The following MZF1 variants were observed in gnomAD, a reference collection of about 807,000 sequenced individuals.
MZF1 encodes the protein myeloid zinc finger 1, also known as zinc finger and SCAN domain-containing protein 6.
A neutral mutation model predicts 28.6 loss-of-function variants in MZF1; 24 were observed. The ratio of observed to expected loss-of-function variants is 0.84; its 90% CI spans 0.61 to 1.18. The LOEUF (loss-of-function observed/expected upper bound fraction) is 1.18, where lower values mean the gene tolerates loss of function less well. Among genes scored for constraint, MZF1 ranks in the 50% most tolerant of loss-of-function variants. MZF1 has a pLI of 0.00. For synonymous variants in MZF1, 516 were observed against 432.5 expected (o/e 1.19, Z -2.40); for missense variants, 1,166 against 1,026.4 (o/e 1.14, Z -1.86).
rs144933302 is a variant in MZF1, at chr19:58,563,408, C to A, written c.869G>T (p.Gly290Val). The A allele has an allele frequency of 1.6e-3, 2,513 of 1,594,728 alleles. 42 individuals carry two copies. The highest frequency in any genetic ancestry group is 2.1e-4 in the Non-Finnish European group (244 of 1,170,704). Residue 290 changes from glycine (G) to valine (V), a missense_variant, in exon 6 of 6, where the codon GGC (glycine) becomes GTC (valine). Physicochemically the swap from Gly to Val is moderately radical, Grantham distance 109. Coordinates refer to ENST00000215057, the MANE Select transcript of MZF1 (RefSeq NM_198055.2). ...TTCGCGGGAGGGTGATTGGATCTGG[C>A]CAGAAAGGCCAGCCATGCCGAGGTC... ...PWDLGMAGLS[G>V]QIQSPSREGG...
At position 58,563,435 on chromosome 19, in the gene MZF1, C is replaced by A. The variant is rs768378644; in HGVS notation, c.842G>T (p.Trp281Leu). The change falls in exon 6 of 6, where the codon TGG becomes TTG. Residue 281 changes from tryptophan (W) to leucine (L), a missense_variant. Coordinates refer to ENST00000215057, the MANE Select transcript of MZF1 (RefSeq NM_198055.2). ...AGAAAGGCCAGCCATGCCGAGGTCC[C>A]AGGGGACGTGGAGGTGAGGGCTTAC... ...GSVSPHLHVP[W>L]DLGMAGLSGQ... 6.3e-7 allele frequency: 1 copy of A among 1,588,974 alleles called. No homozygotes were observed. Among genetic ancestry groups the A allele is most frequent in the Non-Finnish European group, 8.6e-7 (1 of 1,167,556 alleles).
intron 5 of MZF1, chr19:58,563,794 G>A (rs760071931): frequency 1.3e-5 from 4 of 315,224 alleles, no homozygotes; most frequent in Non-Finnish European, 1.7e-5. Context: ...AAGCGTGGGG[G>A]CATTGTCTAG....
At chr19:58,572,003 A>C (rs1387532816) in intron 1 of MZF1, 2 of 158,620 alleles carry the variant, frequency 1.3e-5, no homozygotes, top group Non-Finnish European at 2.8e-5. Flanking sequence ...GGACTAGAAG[A>C]CACTTCTCTC....
rs1481398549 is a variant in MZF1, at chr19:58,562,220, C to T, written c.2057G>A (p.Cys686Tyr). ...TGERPYACPECGKAFRQRPTL... is the reference protein window; with the variant it reads ...TGERPYACPEYGKAFRQRPTL... ...GGGCCGCTGGCGGAAGGCCTTGCCA[C>T]ACTCAGGGCATGCGTAGGGCCGTTC... Residue 686 changes from cysteine (C) to tyrosine (Y), a missense_variant, in exon 6 of 6, where the codon TGT becomes TAT. Cys to Tyr is a radical substitution (Grantham distance 194). Transcript: ENST00000215057. 2 of 1,608,608 alleles carry T rather than the reference C, an allele frequency of 1.2e-6. No individual in the cohort carries two copies. Among genetic ancestry groups the T allele is most frequent in the Admixed American group, 1.7e-5 (1 of 59,708 alleles).
intron 2 of MZF1, 69 bp from the exon 3 acceptor site, chr19:58,570,596 G>A: frequency 6.6e-7 from 1 of 1,511,880 alleles, no homozygotes; most frequent in East Asian, 2.3e-5. Flanking sequence ...GGGGTTTGTG[G>A]GTGCCCATCC....
In MZF1 at chr19:58,570,337, C is replaced by T; in HGVS notation, c.580+7G>A. The T allele has an allele frequency of 6.2e-7, 1 of 1,607,242 alleles. No homozygotes were observed. The highest frequency in any genetic ancestry group is 8.5e-7 in the Non-Finnish European group (1 of 1,175,882). On this transcript the variant is annotated splice_region_variant and intron_variant, in intron 3 of 5. Transcript: ENST00000215057. ...ACCTTAGGCGCGCCCACCGTGCATG[C>T]CCTCACCTGAGTCCTCTGTAACCTC...
In MZF1 at chr19:58,571,090, G is replaced by A. The variant is rs761148494; in HGVS notation, c.300C>T (p.Ile100=). The change falls in exon 2 of 6, where the codon ATC becomes ATT. Residue 100 remains isoleucine (I), a synonymous_variant. Transcript: ENST00000215057. ...EQFLGALPPE[I]QARVQGQRPG... is the part of the protein sequence containing the mutation. ...GCCGCTGCCCCTGCACACGGGCCTG[G>A]ATCTCAGGGGGCAGTGCGCCCAGGA... is the stretch of plus-strand genomic sequence containing the variant. 10 of 1,613,858 alleles carry A rather than the reference G, an allele frequency of 6.2e-6. No homozygotes were observed. Among genetic ancestry groups the A allele is most frequent in the South Asian group, 1.1e-5 (1 of 91,086 alleles).
upstream of MZF1, chr19:58,573,426 A>G (rs2054203655): frequency 6.6e-6 from 1 of 152,348 alleles, no homozygotes; most frequent in African/African-American, 2.4e-5. Flanking sequence ...CACGGCCGTC[A>G]TTAGAACTCC....
At chr19:58,569,199 T>C in intron 5 of MZF1, 78 bp downstream of exon 5, 1 of 1,483,980 alleles carries the variant, frequency 6.7e-7, no homozygotes, top group East Asian at 2.3e-5. Flanking sequence ...GCTGCCTGCG[T>C]AGGGCCAGGA....
At chr19:58,569,721 G>C (rs1292410200) in intron 3 of MZF1, 135 bp from the exon 4 acceptor site, 3 of 700,504 alleles carry the variant, frequency 4.3e-6, no homozygotes, top group East Asian at 2.8e-5. Flanking sequence ...GGCAGTGCAG[G>C]GTAGCTGAGG....
chr19:58,562,420 G>T lies in MZF1; in HGVS notation c.1857C>A (p.His619Gln). The T allele has an allele frequency of 1.2e-6, 2 of 1,610,836 alleles. No homozygotes were observed. Among genetic ancestry groups the T allele is most frequent in the South Asian group, 2.2e-5 (2 of 90,714 alleles). The change falls in exon 6 of 6, where the codon CAC (histidine) becomes CAA (glutamine). Residue 619 changes from histidine (H) to glutamine (Q), a missense_variant. By Grantham distance (24) the His-to-Gln change is conservative. Transcript: ENST00000215057. Reference sequence around the variant, plus strand: ...CGCAGTGGTAGGGCTTTTCGCCGGTGTGTGTCCTCTGATGACGCGTGAGCT... The same window carrying T: ...CGCAGTGGTAGGGCTTTTCGCCGGTTTGTGTCCTCTGATGACGCGTGAGCT... ...RLKLTRHQRTHTGEKPYHCGE... is the reference protein window; with the variant it reads ...RLKLTRHQRTQTGEKPYHCGE...
chr19:58,562,908 G>T lies in MZF1; in HGVS notation c.1369C>A (p.Gln457Lys). ...QSFRQRSNLL[Q>K]HQRIHGDPPG... ...GGATCGCCGTGGATGCGCTGGTGCTGCAGCAGATTGGAGCGCTGCCGGAAG... is the reference window on the plus strand; with the variant it reads ...GGATCGCCGTGGATGCGCTGGTGCTTCAGCAGATTGGAGCGCTGCCGGAAG... Residue 457 changes from glutamine to lysine, a missense_variant, in exon 6 of 6, where the codon CAG (glutamine) becomes AAG (lysine). Gln to Lys is a moderately conservative substitution (Grantham distance 53). Coordinates refer to ENST00000215057, the MANE Select transcript of MZF1 (RefSeq NM_198055.2). The T allele has an allele frequency of 3.1e-6, 5 of 1,588,424 alleles. No individual in the cohort carries two copies. Among genetic ancestry groups the T allele is most frequent in the Non-Finnish European group, 4.3e-6 (5 of 1,172,928 alleles).
intron 1 of MZF1, 186 bp from the exon 2 acceptor site, chr19:58,571,615 A>G (rs1228744240): frequency 8.5e-6 from 5 of 586,828 alleles, no homozygotes; most frequent in Admixed American, 3.0e-5. Context: ...AGCCACCTGT[A>G]TCCCTGGTCT....
Position 58,564,926 on chromosome 19 carries a change from T to G in MZF1, c.773-1422A>C, listed in dbSNP as rs1381187539. Among the ~76,000 whole-genome samples, 8 of 130,628 alleles carry G rather than the reference T, an allele frequency of 6.1e-5. No individual in the cohort carries two copies. In the East Asian group the frequency reaches 6.8e-4, roughly 11 times the overall value. 85.7% of individuals were successfully genotyped at this position (130,628 alleles called of 152,430 possible). On this transcript the variant is annotated intron_variant, in intron 5 of 5. Transcript: ENST00000215057. ...TGTTTTTTTTTTTTTTTTTTTTTTT[T>G]TTTTTTTTTTTTGAGACTGAGTCTT...
At position 58,561,974 on chromosome 19, in the gene MZF1, T is replaced by G; in HGVS notation, c.*98A>C. 7.8e-7 allele frequency: 1 copy of G among 1,289,972 alleles called. No homozygotes were observed. The highest frequency in any genetic ancestry group is 1.1e-6 in the Non-Finnish European group (1 of 947,038). The allele number at this position is 1,289,972 out of a possible 1,614,324, so 79.9% of individuals were successfully genotyped here. ...TTGGACACCTACAGTAGCCAAGCCC[T>G]GGGCGGACCTGCTTATACTTATGTA... On this transcript the variant is annotated 3_prime_UTR_variant, in exon 6 of 6. Coordinates refer to ENST00000215057, the MANE Select transcript of MZF1 (RefSeq NM_198055.2).
intron 1 of MZF1, 153 bp from the exon 2 acceptor site, chr19:58,571,582 T>C (rs2054164905): frequency 2.8e-6 from 2 of 712,094 alleles, no homozygotes; most frequent in Non-Finnish European, 4.5e-6. Flanking sequence ...CCCACAGACT[T>C]ATGCAGCTGG....
intron 5 of MZF1, chr19:58,568,630 A>T (rs1349432654): frequency 2.6e-5 from 4 of 152,318 alleles, no homozygotes; most frequent in African/African-American, 9.6e-5. Context: ...GATATGGGAC[A>T]TGTCAGAATT....
At position 58,562,841 on chromosome 19, in the gene MZF1, G is replaced by A. The variant is rs765638825; in HGVS notation, c.1436C>T (p.Pro479Leu). The change falls in exon 6 of 6, where the codon CCC becomes CTC. Residue 479 changes from proline (P) to leucine (L), a missense_variant. Coordinates refer to ENST00000215057, the MANE Select transcript of MZF1 (RefSeq NM_198055.2). ...GAKPPAPPGA[P>L]EPPGPFPCSE... ...GCACGGAAAGGGGCCGGGAGGCTCGGGCGCACCAGGAGGGGCCGGGGGCTT... is the reference window on the plus strand; with the variant it reads ...GCACGGAAAGGGGCCGGGAGGCTCGAGCGCACCAGGAGGGGCCGGGGGCTT... The A allele has an allele frequency of 1.2e-4, 177 of 1,537,434 alleles. No individual in the cohort carries two copies. The highest frequency in any genetic ancestry group is 1.4e-4 in the Non-Finnish European group (160 of 1,148,226).
intron 2 of MZF1, chr19:58,570,754 C>T: frequency 1.5e-6 from 1 of 649,124 alleles, no homozygotes; most frequent in Non-Finnish European, 2.6e-6. Flanking sequence ...GTACCTTCCC[C>T]ATATTCCCCT....
Sources: gnomAD v4.1 joint callset for allele counts (sites outside exome capture counted in the v4.1 genomes callset) on GRCh38, gnomAD v4.1.1 for gene constraint, MANE v1.5 for transcripts, NCBI Gene and HGNC (gene_info 2026-07-23, HGNC 2026-07-21) for gene names.